Variants in CHD2 observed in about 807,000 individuals in gnomAD.
CHD2 encodes the protein ATP-dependent chromatin remodeler CHD2.
In CHD2, 28 loss-of-function variants were observed where a neutral mutation model predicts 243.9. The observed-to-expected ratio is 0.11, with a 90% CI of 0.09 to 0.16. The LOEUF (loss-of-function observed/expected upper bound fraction) is 0.16, where lower values mean the gene tolerates loss of function less well. Among genes scored for constraint, CHD2 ranks in the 10% least tolerant of loss-of-function variants. The probability of loss-of-function intolerance (pLI) is 1.00; values close to 1 mark genes in which losing one functional copy is unlikely to be tolerated. For synonymous variants in CHD2, 775 were observed against 779.0 expected, an observed-to-expected ratio of 0.99 and a Z score of 0.09; for missense variants, 1,386 against 2,209.8, an observed-to-expected ratio of 0.63 and a Z score of 7.47.
intron 16 of CHD2, among the ~76,000 whole-genome samples, chr15:92,964,275 A>G (rs186196047): frequency 4.6e-5 from 7 of 152,330 alleles, no homozygotes; most frequent in Non-Finnish European, 1.0e-4. Flanking sequence ...TGTCATTTTC[A>G]AATAAAGTTT....
intron 5 of CHD2, among the ~76,000 whole-genome samples, chr15:92,934,937 T>G (rs545191684): frequency 1.3e-5 from 2 of 152,172 alleles, no homozygotes; most frequent in Non-Finnish European, 2.9e-5. Context: ...GTTGGTGATA[T>G]GGCCAAGCAA....
chr15:92,977,289 C>T (rs2053922855), intron 20 of CHD2, among the ~76,000 whole-genome samples: 1 of 152,202 alleles, frequency 6.6e-6, no homozygotes, highest in African/African-American at 2.4e-5. Context: ...TGTGAAGCAG[C>T]TGTCTCCATT....
At position 93,019,841 on chromosome 15, in the gene CHD2, C is replaced by T. The variant is rs181675540; in HGVS notation, c.4907-171C>T. Among the ~76,000 whole-genome samples, 47 of 151,254 alleles carry T rather than the reference C, an allele frequency of 3.1e-4. No individual in the cohort carries two copies. The South Asian group carries it at 3.1e-3, about 10-fold the overall frequency. On this transcript the variant is annotated intron_variant, in intron 37 of 38. Transcript: ENST00000394196. ...CCCATCTACTTGGGAGGCTGAGGCA[C>T]GAGAATCGCTTGACCCAAGAGATGG...
intron 16 of CHD2, among the ~76,000 whole-genome samples, chr15:92,957,322 A>G (rs562903417): frequency 1.3e-5 from 2 of 152,338 alleles, no homozygotes; most frequent in South Asian, 2.1e-4. Context: ...CTTCTTGACT[A>G]GAATTATATT....
rs1342369571 is a variant in CHD2 at position 93,001,036 on chromosome 15, T to A, written c.4137+396T>A. 3.3e-5 allele frequency among the ~76,000 whole-genome samples: 5 copies of A among 152,242 alleles called. No individual in the cohort carries two copies. The South Asian group carries it at 8.3e-4, about 25-fold the overall frequency. On this transcript the variant is annotated intron_variant, in intron 32 of 38. Coordinates refer to ENST00000394196, the MANE Select transcript of CHD2 (RefSeq NM_001271.4). ...GGCACCTGCCACCACGCCAGGCTCA[T>A]TTTTGTATTGTAAGTAGAGATGGGG... is the stretch of plus-strand genomic sequence containing the variant.
intron 37 of CHD2, among the ~76,000 whole-genome samples, chr15:93,018,982 T>A (rs1222159966): frequency 1.3e-5 from 2 of 152,234 alleles, no homozygotes; most frequent in Non-Finnish European, 2.9e-5. Context: ...ATCCCTGGAC[T>A]TCTGTGTCTT....
chr15:92,965,446 CTCAGGAGGCTGA>C (rs1255593589), intron 16 of CHD2: 1 of 149,900 alleles, frequency 6.7e-6, no homozygotes, highest in Non-Finnish European at 1.5e-5. Flanking sequence ...GTTCCAGCTG[CTCAGGAGGCTGA>C]TGCAGGAGAA....
chr15:92,943,108 C>G, intron 9 of CHD2, 40 bp downstream of exon 9: 1 of 1,501,290 alleles, frequency 6.7e-7, no homozygotes, highest in South Asian at 1.2e-5. Context: ...GTATTTGCAG[C>G]CTGAAAGAAG....
intron 2 of CHD2, chr15:92,901,723 C>T: frequency 3.2e-6 from 1 of 312,136 alleles, no homozygotes; most frequent in Non-Finnish European, 5.8e-6. Context: ...TAACTGAGGG[C>T]CATAGAGAAG....
intron 26 of CHD2, among the ~76,000 whole-genome samples, chr15:92,987,462 G>A (rs991485398): frequency 2.0e-5 from 3 of 151,922 alleles, no homozygotes; most frequent in Non-Finnish European, 1.5e-5. Context: ...TTAGCCAGGT[G>A]TGGTGGTACA....
chr15:92,909,939 CGTGTGTGT>C (rs57621949), intron 2 of CHD2, among the ~76,000 whole-genome samples: 64 of 149,226 alleles, frequency 4.3e-4, no homozygotes, highest in African/African-American at 1.2e-3. Context: ...AAGGGTTTTA[CGTGTGTGT>C]GTGTGTGTGT....
At chr15:92,940,193 C>A (rs943617056) in intron 7 of CHD2, among the ~76,000 whole-genome samples, 1 of 152,182 alleles carries the variant, frequency 6.6e-6, no homozygotes, top group African/African-American at 2.4e-5. Flanking sequence ...GTGGCTCATG[C>A]CTGTAATTCC....
chr15:92,926,119 G>A (rs79734702), intron 3 of CHD2, among the ~76,000 whole-genome samples: 3,389 of 152,172 alleles, frequency 0.022, 67 homozygotes, highest in Non-Finnish European at 0.036. Flanking sequence ...CTACAGGCAC[G>A]TATTGACACA....
intron 19 of CHD2, among the ~76,000 whole-genome samples, chr15:92,973,171 C>CTT (rs895983033): frequency 1.3e-4 from 20 of 152,296 alleles, no homozygotes; most frequent in African/African-American, 4.6e-4. Context: ...AACACTGCTA[C>CTT]TTAAAACCTT....
At position 92,974,823 on chromosome 15, in the gene CHD2, T is replaced by C. The variant is rs1400705989; in HGVS notation, c.2506-56T>C. The C allele has an allele frequency of 5.2e-6, 8 of 1,524,980 alleles. No homozygotes were observed. In the Admixed American group the frequency reaches 8.4e-5, roughly 16 times the overall value. The allele number at this position is 1,524,980 out of a possible 1,614,324, so 94.5% of individuals were successfully genotyped here. A position where few individuals can be genotyped will look rare whatever the true frequency, so the allele number is the denominator to read the frequency against. Reference sequence around the variant, plus strand: ...TAAAGGTTCCAAGTCTGCTGTTCTATTCTGAGTGTAGCTGATCTTCCTATC... The same window carrying C: ...TAAAGGTTCCAAGTCTGCTGTTCTACTCTGAGTGTAGCTGATCTTCCTATC... On this transcript the variant is annotated intron_variant, in intron 19 of 38. Transcript: ENST00000394196.
In CHD2 at chr15:92,992,939, A is replaced by G. The variant is rs561920953; in HGVS notation, c.3536A>G (p.Asn1179Ser). 5 of 1,614,058 alleles carry G rather than the reference A, an allele frequency of 3.1e-6. No homozygotes were observed. The highest frequency in any genetic ancestry group is 2.2e-5 in the East Asian group (1 of 44,908). ...AAGCGCCTGGGTGAACTGATCCACA[A>G]CAGCTGTGTGTCAGCAATGCAGGAA... Reference protein sequence around the residue: ...DLKRLGELIHNSCVSAMQEYE... With the variant: ...DLKRLGELIHSSCVSAMQEYE... Residue 1179 changes from asparagine (N) to serine (S), a missense_variant, in exon 28 of 39, where the codon AAC becomes AGC. By Grantham distance (46) the Asn-to-Ser change is conservative. This residue lies in a region of CHD2 where 99 missense variants were observed against 176.9 expected (regional missense o/e 0.56). Transcript: ENST00000394196.
At chr15:92,981,028 G>A (rs1408438161) in intron 23 of CHD2, 117 bp downstream of exon 23, 2 of 730,176 alleles carry the variant, frequency 2.7e-6, no homozygotes, top group Admixed American at 2.8e-5. Context: ...TTACTTGAAG[G>A]ACAGTGTGTT....
At chr15:92,941,704 A>C (rs975332840) in intron 7 of CHD2, 118 bp from the exon 8 acceptor site, 13 of 1,052,162 alleles carry the variant, frequency 1.2e-5, no homozygotes, top group African/African-American at 3.3e-5. Context: ...GCAGATCTAT[A>C]AAACAACATG....
intron 7 of CHD2, among the ~76,000 whole-genome samples, chr15:92,940,844 A>C (rs2053355045): frequency 9.4e-6 from 1 of 106,518 alleles, no homozygotes; most frequent in Admixed American, 1.1e-4. Flanking sequence ...ATATAAAAAT[A>C]TATATAAATA....
Sources: gnomAD v4.1 joint callset for allele counts (sites outside exome capture counted in the v4.1 genomes callset) on GRCh38, gnomAD v4.1.1 for gene constraint, gnomAD v4.1.1 regional missense constraint, MANE v1.5 for transcripts, NCBI Gene and HGNC (gene_info 2026-07-23, HGNC 2026-07-21) for gene names.